Variants in NSUN4 observed in about 807,000 individuals in gnomAD.
NSUN4 encodes the protein 5-cytosine rRNA methyltransferase NSUN4.
Under a neutral mutation model 43.8 loss-of-function variants are expected in NSUN4, and 31 were observed. The observed-to-expected ratio is 0.71, with a 90% confidence interval of 0.53 to 0.96. NSUN4 has a LOEUF of 0.96. NSUN4 is among the 40% of genes least tolerant of loss of function. The probability of loss-of-function intolerance (pLI) is 0.00; values close to 1 mark genes in which losing one functional copy is unlikely to be tolerated. For synonymous variants in NSUN4, 167 were observed against 184.1 expected, an observed-to-expected ratio of 0.91 and a Z score of 0.75; for missense variants, 439 against 475.6, an observed-to-expected ratio of 0.92 and a Z score of 0.72.
chr1:46,369,510 G>T (rs1405446845), downstream of NSUN4, among the ~76,000 whole-genome samples: 1 of 152,200 alleles, frequency 6.6e-6, no homozygotes, highest in Admixed American at 6.5e-5. Flanking sequence ...AGTAAATTAT[G>T]AGTGAGCCAA....
At chr1:46,382,986 G>A in the NSUN4 span, among the ~76,000 whole-genome samples, 1 of 152,208 alleles carries the variant, frequency 6.6e-6, no homozygotes, top group Non-Finnish European at 1.5e-5. Flanking sequence ...GACAGCAGTA[G>A]GGAACCTGTG....
At position 46,364,915 on chromosome 1, in the gene NSUN4, T is replaced by C. The variant is rs1171044881; in HGVS notation, c.*3069T>C. ...GCAGTCCACATGTGCATAAGGACCA[T>C]GGGGAGCTTGTATTTGGGAATTCTG... On this transcript the variant is annotated 3_prime_UTR_variant, in exon 6 of 6. Transcript: ENST00000474844. 1 of 152,212 alleles carries C rather than the reference T, an allele frequency of 6.6e-6. No homozygotes were observed. Among genetic ancestry groups the C allele is most frequent in the Admixed American group, 6.5e-5 (1 of 15,286 alleles). The allele number at this position is 152,212 out of a possible 1,614,324, so 9.4% of individuals were successfully genotyped here. A position where few individuals can be genotyped will look rare whatever the true frequency, so the allele number is the denominator to read the frequency against.
the NSUN4 span, among the ~76,000 whole-genome samples, chr1:46,380,247 A>G: frequency 2.0e-5 from 3 of 152,336 alleles, no homozygotes; most frequent in East Asian, 5.8e-4. Context: ...CTGAAGACAC[A>G]TAAGAATAAC....
At chr1:46,370,587 T>C in the NSUN4 span, 7 of 151,872 alleles carry the variant, frequency 4.6e-5, no homozygotes, top group African/African-American at 1.5e-4. Context: ...ACTTTTGTTA[T>C]GAACAAACAC....
rs140320520 is a variant in NSUN4 at position 46,360,715 on chromosome 1, T to C, written c.765T>C (p.Asp255=). 6.9e-5 allele frequency: 112 copies of C among 1,613,934 alleles called. No homozygotes were observed. The highest frequency in any genetic ancestry group is 9.1e-5 in the Non-Finnish European group (107 of 1,179,842). The change falls in exon 5 of 6, where the codon GAT becomes GAC. Residue 255 remains aspartate, a synonymous_variant. Transcript: ENST00000474844. ...AACACTCTGGGTAGGTGCTGGTGGA[T>C]GTGCCCTGTACCACAGACCGCCACT... ...EGDTYDRVLV[D]VPCTTDRHSL...
intron 3 of NSUN4, among the ~76,000 whole-genome samples, chr1:46,348,810 T>G (rs1439872753): frequency 2.7e-5 from 2 of 74,864 alleles, no homozygotes; most frequent in African/African-American, 1.7e-4. Flanking sequence ...TGTGCACTGT[T>G]TTTTTTTTTT....
At chr1:46,374,289 C>CAAAAAA in the NSUN4 span, among the ~76,000 whole-genome samples, 30 of 42,894 alleles carry the variant, frequency 7.0e-4, 1 homozygote, top group Middle Eastern at 0.017. Flanking sequence ...TCTGTCTCAC[C>CAAAAAA]AAAAAAAAAA....
intron 4 of NSUN4, 71 bp downstream of exon 4, chr1:46,353,099 G>T: frequency 7.0e-7 from 1 of 1,433,264 alleles, no homozygotes; most frequent in Non-Finnish European, 9.8e-7. Context: ...TAGGGCCTGA[G>T]GGGTTAGGAT....
intron 4 of NSUN4, among the ~76,000 whole-genome samples, chr1:46,354,193 A>G (rs954545068): frequency 6.6e-6 from 1 of 151,544 alleles, no homozygotes; most frequent in South Asian, 2.1e-4. Flanking sequence ...TGCAGCCTCA[A>G]CCTCCTGGGC....
intron 3 of NSUN4, among the ~76,000 whole-genome samples, chr1:46,348,483 C>G (rs954425776): frequency 6.6e-6 from 1 of 151,954 alleles, no homozygotes. Flanking sequence ...AAGGCTGAGG[C>G]GGGTGGATCA....
In NSUN4 at chr1:46,340,846, G is replaced by C. The variant is rs144777471; in HGVS notation, c.20G>C (p.Arg7Thr). Reference protein sequence around the residue: MAALTLRGVRELLKRVD... With the variant: MAALTLTGVRELLKRVD... ...GCCGATATGGCTGCGCTGACACTGA[G>C]GGGTGTCCGGGAGCTGCTGAAGCGT... Residue 7 changes from arginine (R) to threonine (T), a missense_variant, in exon 1 of 6, where the codon AGG (arginine) becomes ACG (threonine). By Grantham distance (71) the Arg-to-Thr change is moderately conservative. Transcript: ENST00000474844. The C allele has an allele frequency of 3.1e-6, 5 of 1,612,264 alleles. No homozygotes were observed. In the African/African-American group the frequency reaches 6.7e-5, roughly 22 times the overall value.
At chr1:46,377,225 T>G in the NSUN4 span, among the ~76,000 whole-genome samples, 148 of 152,252 alleles carry the variant, frequency 9.7e-4, no homozygotes, top group Middle Eastern at 0.01. Flanking sequence ...AATTTTTGTA[T>G]TTTTAGTAGA....
downstream of NSUN4, among the ~76,000 whole-genome samples, chr1:46,367,540 A>G (rs1286510259): frequency 1.3e-5 from 2 of 152,112 alleles, no homozygotes; most frequent in Non-Finnish European, 2.9e-5. Flanking sequence ...GCAAGCCTCA[A>G]AACTGGGGCT....
At chr1:46,378,458 A>G in the NSUN4 span, among the ~76,000 whole-genome samples, 15 of 152,134 alleles carry the variant, frequency 9.9e-5, no homozygotes, top group Non-Finnish European at 1.5e-4. Flanking sequence ...TGGCCTCCCA[A>G]AATGTTGGGA....
chr1:46,371,686 C>T, the NSUN4 span, among the ~76,000 whole-genome samples: 431 of 152,214 alleles, frequency 2.8e-3, 2 homozygotes, highest in African/African-American at 0.01. Flanking sequence ...GTGATCCCCC[C>T]GCCTCGGCCT....
chr1:46,349,208 C>T (rs1481734534), intron 3 of NSUN4, among the ~76,000 whole-genome samples: 5 of 149,774 alleles, frequency 3.3e-5, no homozygotes, highest in South Asian at 2.1e-4. Context: ...GGCGTGATCT[C>T]GGCTCACTGC....
the NSUN4 span, among the ~76,000 whole-genome samples, chr1:46,381,653 A>AT: frequency 3.3e-5 from 5 of 152,126 alleles, no homozygotes; most frequent in Non-Finnish European, 5.9e-5. Context: ...CTAGGACTAT[A>AT]TATTATTTTC....
chr1:46,349,311 T>C (rs1662802620), intron 3 of NSUN4, among the ~76,000 whole-genome samples: 1 of 151,842 alleles, frequency 6.6e-6, no homozygotes, highest in Non-Finnish European at 1.5e-5. Context: ...GGCTAATTTT[T>C]TTGTATTTTT....
intron 5 of NSUN4, 22 bp from the exon 6 acceptor site, chr1:46,361,548 T>C (rs1470586176): frequency 3.1e-6 from 5 of 1,609,750 alleles, no homozygotes; most frequent in Non-Finnish European, 4.2e-6. Context: ...TAGTAACTGC[T>C]TCTGTCTCTT....
Sources: allele counts gnomAD v4.1 joint callset (sites outside exome capture counted in the v4.1 genomes callset), GRCh38; gene constraint gnomAD v4.1.1; transcripts MANE v1.5; gene names NCBI Gene and HGNC (gene_info 2026-07-23, HGNC 2026-07-21).